The following CADPS2 variants were observed in gnomAD, a reference collection of about 807,000 sequenced individuals.
CADPS2 encodes calcium-dependent secretion activator 2.
In CADPS2, 93 loss-of-function variants were observed where a neutral mutation model predicts 172.5. That is an observed-to-expected ratio of 0.54 (90% CI 0.46 to 0.64). The LOEUF is 0.64. Ranked by LOEUF, CADPS2 falls within the 30% of genes least tolerant of loss-of-function variation. The pLI, the probability that CADPS2 is intolerant of heterozygous loss-of-function variation, is 0.00. For synonymous variants in CADPS2, 546 were observed against 555.2 expected, an observed-to-expected ratio of 0.98 and a Z score of 0.23; for missense variants, 1,420 against 1,565.9, an observed-to-expected ratio of 0.91 and a Z score of 1.57.
chr7:122,783,145 G>T (rs774464893), intron 1 of CADPS2, among the ~76,000 whole-genome samples: 1 of 151,016 alleles, frequency 6.6e-6, no homozygotes, highest in Non-Finnish European at 1.5e-5. Flanking sequence ...GAACCTGGGA[G>T]GGGGAGCTTG....
At chr7:122,393,811 C>G (rs781744769) in intron 20 of CADPS2, among the ~76,000 whole-genome samples, 3 of 152,108 alleles carry the variant, frequency 2.0e-5, no homozygotes, top group Admixed American at 1.3e-4. Context: ...GATTATATCT[C>G]TCTAAAATTC....
chr7:122,652,182 T>C (rs2079221067), intron 3 of CADPS2, among the ~76,000 whole-genome samples: 1 of 152,158 alleles, frequency 6.6e-6, no homozygotes, highest in African/African-American at 2.4e-5. Context: ...TGCAAAAATC[T>C]AGGTTTTATC....
At chr7:122,451,895 C>A (rs2053169260) in intron 14 of CADPS2, among the ~76,000 whole-genome samples, 1 of 152,186 alleles carries the variant, frequency 6.6e-6, no homozygotes, top group East Asian at 1.9e-4. Context: ...TCAGCTAACA[C>A]AGAACTGGAG....
intron 3 of CADPS2, among the ~76,000 whole-genome samples, chr7:122,654,814 G>C (rs2079552596): frequency 6.6e-6 from 1 of 152,168 alleles, no homozygotes; most frequent in Admixed American, 6.5e-5. Flanking sequence ...ACCACAGATA[G>C]TGATGGATTA....
chr7:122,661,839 T>C (rs1374400194), intron 3 of CADPS2, among the ~76,000 whole-genome samples: 1 of 152,220 alleles, frequency 6.6e-6, no homozygotes, highest in Non-Finnish European at 1.5e-5. Context: ...CACTAAATTA[T>C]GTTAATCAAC....
intron 3 of CADPS2, among the ~76,000 whole-genome samples, chr7:122,636,434 T>C (rs1364600613): frequency 6.6e-6 from 1 of 151,306 alleles, no homozygotes. Context: ...CCCATCCTCT[T>C]CCGGCTCGTA....
chr7:122,649,370 T>C (rs1240238964), intron 3 of CADPS2, among the ~76,000 whole-genome samples: 1 of 152,170 alleles, frequency 6.6e-6, no homozygotes, highest in African/African-American at 2.4e-5. Flanking sequence ...ACCAGCTCTA[T>C]TTCCTGGCAC....
chr7:122,640,051 C>T (rs762897619), intron 3 of CADPS2, among the ~76,000 whole-genome samples: 1 of 152,168 alleles, frequency 6.6e-6, no homozygotes, highest in Non-Finnish European at 1.5e-5. Flanking sequence ...CAATTTTCAG[C>T]TCCGTACCCC....
intron 8 of CADPS2, among the ~76,000 whole-genome samples, chr7:122,539,943 A>G (rs529287338): frequency 3.4e-4 from 51 of 152,040 alleles, no homozygotes; most frequent in African/African-American, 1.1e-3. Context: ...TAAAACTTCA[A>G]CTGATGATTT....
intron 27 of CADPS2, among the ~76,000 whole-genome samples, chr7:122,353,690 T>C (rs1427072818): frequency 6.6e-6 from 1 of 152,182 alleles, no homozygotes; most frequent in East Asian, 1.9e-4. Flanking sequence ...AGAATCAGAG[T>C]TGGAAAGAAC....
chr7:122,623,577 T>A (rs530216168), intron 4 of CADPS2, among the ~76,000 whole-genome samples: 63 of 152,338 alleles, frequency 4.1e-4, no homozygotes, highest in African/African-American at 1.5e-3. Context: ...GTGAATAATA[T>A]AACCCACAGG....
rs140357959 is a variant in CADPS2 at position 122,802,386 on chromosome 7, G to A, written c.340-65318C>T. 1.9e-4 allele frequency among the ~76,000 whole-genome samples: 29 copies of A among 152,246 alleles called. No homozygotes were observed. In the East Asian group the frequency reaches 3.3e-3, roughly 17 times the overall value. ...CTAATGCACTTCCTGTTCCCTCTGC[G>A]TCACATGCTGTGTACCTCCACTCTT... On this transcript the variant is annotated intron_variant, in intron 1 of 29. Transcript: ENST00000449022.
At chr7:122,797,041 C>T (rs562078883) in intron 1 of CADPS2, among the ~76,000 whole-genome samples, 4 of 151,382 alleles carry the variant, frequency 2.6e-5, no homozygotes, top group Non-Finnish European at 5.9e-5. Context: ...AGCAGGCAAA[C>T]GACATAAATA....
At chr7:122,789,170 C>T (rs1794722371) in intron 1 of CADPS2, among the ~76,000 whole-genome samples, 1 of 152,074 alleles carries the variant, frequency 6.6e-6, no homozygotes, top group African/African-American at 2.4e-5. Flanking sequence ...GGAATGTCAG[C>T]AGAGGAGTAG....
At chr7:122,534,879 T>C (rs1358753600) in intron 8 of CADPS2, among the ~76,000 whole-genome samples, 2 of 152,120 alleles carry the variant, frequency 1.3e-5, no homozygotes, top group African/African-American at 4.8e-5. Flanking sequence ...TATGTGGCAA[T>C]TAGCAGAACC....
intron 11 of CADPS2, among the ~76,000 whole-genome samples, chr7:122,488,004 G>A (rs1379252104): frequency 6.6e-6 from 1 of 152,140 alleles, no homozygotes; most frequent in Non-Finnish European, 1.5e-5. Flanking sequence ...CATACAAAAT[G>A]CAAATTTGCA....
chr7:122,656,197 G>A (rs541312031), intron 3 of CADPS2, among the ~76,000 whole-genome samples: 1 of 152,204 alleles, frequency 6.6e-6, no homozygotes, highest in South Asian at 2.1e-4. Context: ...AAACTTTGCT[G>A]GACTTTCCTT....
intron 2 of CADPS2, chr7:122,676,838 A>C: frequency 1.9e-6 from 1 of 538,808 alleles, no homozygotes; most frequent in Non-Finnish European, 3.2e-6. Context: ...TGGTGACAGT[A>C]TTTTTTTTTT....
intron 1 of CADPS2, among the ~76,000 whole-genome samples, chr7:122,819,405 G>A (rs1017426487): frequency 6.6e-5 from 10 of 152,080 alleles, no homozygotes; most frequent in South Asian, 2.1e-4. Context: ...GACACTGCCC[G>A]ATCGCCTTGG....
Sources: allele counts gnomAD v4.1 joint callset (sites outside exome capture counted in the v4.1 genomes callset), GRCh38; gene constraint gnomAD v4.1.1; transcripts MANE v1.5; gene names NCBI Gene and HGNC (gene_info 2026-07-23, HGNC 2026-07-21).